The following MACF1 variants were observed in gnomAD, a reference collection of about 807,000 sequenced individuals.
The protein encoded by MACF1 is microtubule actin crosslinking factor 1, also known as microtubule-actin cross-linking factor 1.
In MACF1, 193 loss-of-function variants were observed where a neutral mutation model predicts 854.8. The observed-to-expected ratio is 0.23, with a 90% CI of 0.20 to 0.25. The LOEUF (loss-of-function observed/expected upper bound fraction) is 0.25. MACF1 is among the 10% of genes least tolerant of loss of function. The pLI is 1.00. For missense variants in MACF1, 7,722 were observed against 8,929.1 expected, an observed-to-expected ratio of 0.86 and a Z score of 5.45; for synonymous variants, 3,185 against 3,226.7, an observed-to-expected ratio of 0.99 and a Z score of 0.44.
chr1:39,146,261 G>A (rs1643461043), intron 2 of MACF1, among the ~76,000 whole-genome samples: 2 of 152,048 alleles, frequency 1.3e-5, no homozygotes, highest in African/African-American at 4.8e-5. Context: ...TGGCCAACAT[G>A]GCGAAACCCC....
In MACF1 at chr1:39,469,571, A is replaced by G; in HGVS notation, c.21914A>G (p.Lys7305Arg). The stretch of plus-strand genomic sequence containing the variant: ...GTTCACCATCCTGGGAGTAAAATAA[A>G]GCGCTCTGATTCCAGCTCTTCGATT... Reference protein sequence around the residue: ...CRVHHPGSKIKRSDSSSSISS... With the variant: ...CRVHHPGSKIRRSDSSSSISS... Residue 7305 changes from lysine to arginine, a missense_variant, in exon 97 of 101, where the codon AAG (lysine) becomes AGG (arginine). Lys to Arg is a conservative substitution (Grantham distance 26). Around this residue, in one of 15 missense-constraint regions of MACF1, gnomAD observed 153 missense variants for 342.5 expected, o/e 0.45. Transcript: ENST00000564288. 6.4e-7 allele frequency: 1 copy of G among 1,550,532 alleles called. No individual in the cohort carries two copies. Among genetic ancestry groups the G allele is most frequent in the Non-Finnish European group, 8.7e-7 (1 of 1,146,942 alleles).
chr1:39,434,749 A>C, intron 69 of MACF1, 117 bp downstream of exon 69: 1 of 783,908 alleles, frequency 1.3e-6, no homozygotes, highest in Non-Finnish European at 2.0e-6. Flanking sequence ...TTAATTCTTA[A>C]TCAGTTAGAA....
chr1:39,327,907 C>T (rs1265241645), intron 36 of MACF1, among the ~76,000 whole-genome samples: 2 of 152,196 alleles, frequency 1.3e-5, no homozygotes, highest in East Asian at 1.9e-4. Flanking sequence ...ATGTGAAAGT[C>T]ATCATAGTTC....
chr1:39,253,837 C>T (rs1645069005), intron 4 of MACF1, among the ~76,000 whole-genome samples: 1 of 152,166 alleles, frequency 6.6e-6, no homozygotes, highest in African/African-American at 2.4e-5. Context: ...ATCTTGAGCT[C>T]CTTTTGCCAT....
chr1:39,472,341 G>A (rs1570204583), intron 97 of MACF1, among the ~76,000 whole-genome samples: 1 of 152,166 alleles, frequency 6.6e-6, no homozygotes, highest in Admixed American at 6.5e-5. Context: ...CTTCTAGTTC[G>A]AGAAAAATGT....
rs780214590 is a variant in MACF1, at chr1:39,310,227, C to G, written c.2917-18C>G. 1 of 1,586,550 alleles carries G rather than the reference C, an allele frequency of 6.3e-7. No individual in the cohort carries two copies. On this transcript the variant is annotated intron_variant, in intron 24 of 100. Transcript: ENST00000564288. ...CATTTTTATTCTGTTGCAATTTCTT[C>G]TGGCTTTTTCTTTCTAGCTTCGATC...
At chr1:39,362,802 C>T (rs1192526461) in intron 49 of MACF1, among the ~76,000 whole-genome samples, 1 of 152,030 alleles carries the variant, frequency 6.6e-6, no homozygotes, top group East Asian at 1.9e-4. Context: ...CTTTTAGGTT[C>T]TTTTTAATAG....
chr1:39,220,861 G>C (rs564379412), intron 1 of MACF1, among the ~76,000 whole-genome samples: 1 of 152,128 alleles, frequency 6.6e-6, no homozygotes, highest in Non-Finnish European at 1.5e-5. Context: ...CTTAGATACA[G>C]AGCTTTCTAA....
At chr1:39,187,092 C>A (rs7538300) in intron 2 of MACF1, among the ~76,000 whole-genome samples, 90,157 of 151,106 alleles carry the variant, frequency 0.6, 28,873 homozygotes, top group South Asian at 0.77. Context: ...ACTTTCTCTT[C>A]CCCCTTCTTC....
At chr1:39,430,152 A>G (rs1643850790) in intron 65 of MACF1, 84 bp downstream of exon 65, 2 of 1,446,526 alleles carry the variant, frequency 1.4e-6, no homozygotes, top group Non-Finnish European at 9.3e-7. Flanking sequence ...TACCTTAAAT[A>G]TAAACTAAAA....
At chr1:39,443,316 A>G (rs1644157320) in intron 78 of MACF1, 130 bp from the exon 79 acceptor site, 1 of 885,148 alleles carries the variant, frequency 1.1e-6, no homozygotes, top group Non-Finnish European at 1.7e-6. Context: ...TAATCTAGCA[A>G]CAGAACAGCT....
intron 60 of MACF1, 120 bp downstream of exon 60, chr1:39,423,020 C>T (rs779379423): frequency 4.1e-5 from 34 of 837,092 alleles, no homozygotes; most frequent in South Asian, 1.3e-4. Flanking sequence ...TACTTTGTGT[C>T]GTCCTGAAAA....
chr1:39,295,367 A>G (rs1401232188), intron 19 of MACF1, among the ~76,000 whole-genome samples: 1 of 152,236 alleles, frequency 6.6e-6, no homozygotes, highest in Non-Finnish European at 1.5e-5. Flanking sequence ...GAAACAATAG[A>G]AGGGGCATTG....
intron 2 of MACF1, among the ~76,000 whole-genome samples, chr1:39,139,371 C>T (rs1266731297): frequency 1.3e-5 from 2 of 151,722 alleles, no homozygotes; most frequent in African/African-American, 4.8e-5. Flanking sequence ...ATTCTCCTGC[C>T]TCAGCATCCC....
In MACF1 at chr1:39,357,414, A is replaced by T. The variant is rs374690401; in HGVS notation, c.11464A>T (p.Ile3822Phe). The change falls in exon 45 of 101, where the codon ATT becomes TTT. Residue 3822 changes from isoleucine to phenylalanine, a missense_variant. Physicochemically the swap from Ile to Phe is conservative, Grantham distance 21. Coordinates refer to ENST00000564288, the MANE Select transcript of MACF1 (RefSeq NM_001394062.1). ...QELLSQQQNF[I>F]LATQSAQAFL... ...ATTGCTGTCCCAGCAGCAAAATTTCATTCTGGCCACCCAGTCAGCTCAGGC... is the reference window on the plus strand; with the variant it reads ...ATTGCTGTCCCAGCAGCAAAATTTCTTTCTGGCCACCCAGTCAGCTCAGGC... 4 of 1,613,222 alleles carry T rather than the reference A, an allele frequency of 2.5e-6. No individual in the cohort carries two copies. In the African/African-American group the frequency reaches 5.3e-5, roughly 22 times the overall value.
chr1:39,153,424 G>A (rs377582808), intron 2 of MACF1, among the ~76,000 whole-genome samples: 1 of 152,150 alleles, frequency 6.6e-6, no homozygotes, highest in Non-Finnish European at 1.5e-5. Flanking sequence ...TATTACATAA[G>A]CACCTTAGGG....
chr1:39,418,710 A>G (rs1643421190), intron 58 of MACF1, among the ~76,000 whole-genome samples: 1 of 152,122 alleles, frequency 6.6e-6, no homozygotes, highest in South Asian at 2.1e-4. Flanking sequence ...CAAAAAATAC[A>G]AAATTAGCTG....
chr1:39,217,620 T>C (rs1644592641), intron 1 of MACF1, among the ~76,000 whole-genome samples: 1 of 152,160 alleles, frequency 6.6e-6, no homozygotes, highest in Non-Finnish European at 1.5e-5. Context: ...GGCTCATGCC[T>C]ATAATCGCAG....
chr1:39,403,563 G>T (rs909835268), intron 58 of MACF1, among the ~76,000 whole-genome samples: 1 of 151,952 alleles, frequency 6.6e-6, no homozygotes, highest in African/African-American at 2.4e-5. Flanking sequence ...GTACTACTAT[G>T]CCCCTAGTAA....
Sources: allele counts gnomAD v4.1 joint callset (sites outside exome capture counted in the v4.1 genomes callset), GRCh38; gene constraint gnomAD v4.1.1; regional missense constraint gnomAD v4.1.1; transcripts MANE v1.5; gene names NCBI Gene and HGNC (gene_info 2026-07-23, HGNC 2026-07-21).